The following CDH13 variants were observed in gnomAD, a reference collection of about 807,000 sequenced individuals.
CDH13 encodes cadherin-13.
In CDH13, 24 loss-of-function variants were observed where a neutral mutation model predicts 63.8. The observed-to-expected ratio is 0.38, with a 90% CI of 0.27 to 0.53. The LOEUF (loss-of-function observed/expected upper bound fraction) is 0.53. Ranked by LOEUF, CDH13 falls within the 20% of genes least tolerant of loss-of-function variation. CDH13 has a pLI of 0.85. For missense variants in CDH13, 1,049 were observed against 903.1 expected (o/e 1.16, Z -2.07); for synonymous variants, 503 against 355.3 (o/e 1.42, Z -4.67).
chr16:82,993,200 GTGGGTT>G (rs1395075572), intron 2 of CDH13, among the ~76,000 whole-genome samples: 1 of 152,062 alleles, frequency 6.6e-6, no homozygotes, highest in African/African-American at 2.4e-5. Context: ...ACTATTCTTT[GTGGGTT>G]AATTTCACAT....
intron 7 of CDH13, among the ~76,000 whole-genome samples, chr16:83,517,028 T>G (rs547523079): frequency 7.9e-5 from 12 of 152,296 alleles, no homozygotes; most frequent in African/African-American, 2.4e-4. Flanking sequence ...AAAGTCTGGA[T>G]ACATTGACTG....
In CDH13 at chr16:82,915,797, A is replaced by G. The variant is rs373792139; in HGVS notation, c.157+57324A>G. Among the ~76,000 whole-genome samples, 17 of 150,358 alleles carry G rather than the reference A, an allele frequency of 1.1e-4. No homozygotes were observed. In the East Asian group the frequency reaches 2.2e-3, roughly 19 times the overall value. On this transcript the variant is annotated intron_variant, in intron 2 of 13. Coordinates refer to ENST00000567109, the MANE Select transcript of CDH13 (RefSeq NM_001257.5). The stretch of plus-strand genomic sequence containing the variant: ...CATCTCATATCAGAGACTTTAAGGT[A>G]CCCTCTGACATACACCCTCTACAAA...
At chr16:82,933,964 C>T (rs6565086) in intron 2 of CDH13, among the ~76,000 whole-genome samples, 53,594 of 152,060 alleles carry the variant, frequency 0.35, 13,643 homozygotes, top group African/African-American at 0.73. Flanking sequence ...GGGCTGGCAG[C>T]GTCTATGACT....
At chr16:83,379,534 T>A (rs1245706875) in intron 6 of CDH13, among the ~76,000 whole-genome samples, 1 of 152,174 alleles carries the variant, frequency 6.6e-6, no homozygotes, top group African/African-American at 2.4e-5. Context: ...ACCTAAGAGT[T>A]TGATCACTCA....
intron 8 of CDH13, among the ~76,000 whole-genome samples, chr16:83,617,679 T>C (rs1909410577): frequency 6.6e-6 from 1 of 151,576 alleles, no homozygotes; most frequent in Non-Finnish European, 1.5e-5. Context: ...TAATATCTAT[T>C]GTAATATGCA....
Position 83,101,257 on chromosome 16 carries a change from T to C in CDH13, c.367-24128T>C, listed in dbSNP as rs183477806. Among the ~76,000 whole-genome samples, 372 of 150,652 alleles carry C rather than the reference T, an allele frequency of 2.5e-3. 6 individuals are homozygous for C. The highest frequency in any genetic ancestry group is 5.0e-4 in the Non-Finnish European group (34 of 67,714). Reference sequence around the variant, plus strand: ...TACTATATACTATAAGTATATATACTTATGTATACATATACATATACAGAT... The same window carrying C: ...TACTATATACTATAAGTATATATACCTATGTATACATATACATATACAGAT... On this transcript the variant is annotated intron_variant, in intron 3 of 13. Coordinates refer to ENST00000567109, the MANE Select transcript of CDH13 (RefSeq NM_001257.5).
chr16:83,345,659 A>C (rs9932999), intron 6 of CDH13, among the ~76,000 whole-genome samples: 4 of 151,946 alleles, frequency 2.6e-5, no homozygotes, highest in African/African-American at 9.7e-5. Flanking sequence ...TTTTGCCCCA[A>C]TACATACAAA....
intron 5 of CDH13, among the ~76,000 whole-genome samples, chr16:83,279,208 A>T (rs1416479165): frequency 1.3e-5 from 2 of 152,100 alleles, no homozygotes; most frequent in Non-Finnish European, 2.9e-5. Flanking sequence ...CGAGTCTAAT[A>T]TCAGGGCTAG....
intron 11 of CDH13, among the ~76,000 whole-genome samples, chr16:83,753,787 G>C (rs1338875487): frequency 6.6e-6 from 1 of 151,964 alleles, no homozygotes; most frequent in Non-Finnish European, 1.5e-5. Context: ...GTAGGATACA[G>C]TACGGAAGTG....
intron 1 of CDH13, among the ~76,000 whole-genome samples, chr16:82,655,563 T>C (rs1192295347): frequency 6.6e-6 from 1 of 151,880 alleles, no homozygotes; most frequent in Non-Finnish European, 1.5e-5. Context: ...GTGCGTGTGA[T>C]GCTGAGAGTG....
intron 2 of CDH13, among the ~76,000 whole-genome samples, chr16:82,982,131 C>T (rs1317100480): frequency 1.3e-5 from 2 of 152,140 alleles, no homozygotes; most frequent in African/African-American, 4.8e-5. Context: ...AAAAATTAAT[C>T]TCAGTTTACC....
chr16:83,424,811 C>G (rs1310746698), intron 6 of CDH13, among the ~76,000 whole-genome samples: 1 of 152,108 alleles, frequency 6.6e-6, no homozygotes, highest in Admixed American at 6.5e-5. Flanking sequence ...ATTTTAATCC[C>G]AAGGTTGATT....
chr16:83,515,457 C>T (rs939433586), intron 7 of CDH13, among the ~76,000 whole-genome samples: 3 of 152,150 alleles, frequency 2.0e-5, no homozygotes, highest in African/African-American at 7.2e-5. Context: ...TCAGTCTTTT[C>T]CGTGACACAA....
chr16:83,605,451 C>T (rs1475094598), intron 8 of CDH13, among the ~76,000 whole-genome samples: 3 of 152,082 alleles, frequency 2.0e-5, no homozygotes, highest in South Asian at 2.1e-4. Context: ...GCGCTGGAGC[C>T]GGAATTGGGT....
At chr16:82,956,620 T>C (rs1308431407) in intron 2 of CDH13, among the ~76,000 whole-genome samples, 1 of 152,170 alleles carries the variant, frequency 6.6e-6, no homozygotes, top group Non-Finnish European at 1.5e-5. Flanking sequence ...GCAGCGCCTG[T>C]CCTTCATGAC....
chr16:83,476,532 G>A (rs958671123), intron 6 of CDH13, among the ~76,000 whole-genome samples: 4 of 152,146 alleles, frequency 2.6e-5, no homozygotes, highest in African/African-American at 9.7e-5. Context: ...AATTAGCAAG[G>A]CGTGGTGGCG....
intron 1 of CDH13, among the ~76,000 whole-genome samples, chr16:82,665,896 A>G (rs1171505594): frequency 6.6e-6 from 1 of 152,184 alleles, no homozygotes; most frequent in Non-Finnish European, 1.5e-5. Context: ...ATATAAGAGT[A>G]TTGTACCACA....
chr16:82,866,324 C>G (rs2040137458), intron 2 of CDH13, among the ~76,000 whole-genome samples: 1 of 151,024 alleles, frequency 6.6e-6, no homozygotes, highest in Non-Finnish European at 1.5e-5. Flanking sequence ...CAGCACCCCA[C>G]TCTACTGGTA....
chr16:83,295,262 A>C (rs925841020), intron 5 of CDH13, among the ~76,000 whole-genome samples: 2 of 152,218 alleles, frequency 1.3e-5, no homozygotes, highest in Non-Finnish European at 2.9e-5. Context: ...GTAAGACTTG[A>C]AACTATGAAA....
Sources: gnomAD v4.1 joint callset for allele counts (sites outside exome capture counted in the v4.1 genomes callset) on GRCh38, gnomAD v4.1.1 for gene constraint, MANE v1.5 for transcripts, NCBI Gene and HGNC (gene_info 2026-07-23, HGNC 2026-07-21) for gene names.